MATK: variants seen among roughly 807,000 people sequenced by gnomAD.
MATK encodes megakaryocyte-associated tyrosine-protein kinase.
Under a neutral mutation model 59.8 loss-of-function variants are expected in MATK, and 41 were observed. That is an observed-to-expected ratio of 0.69 (90% CI 0.53 to 0.89). The LOEUF is 0.89. Among genes scored for constraint, MATK ranks in the 40% least tolerant of loss-of-function variants. The pLI, the probability that MATK is intolerant of heterozygous loss-of-function variation, is 0.00. For synonymous variants in MATK, 308 were observed against 306.1 expected (o/e 1.01, Z -0.06); for missense variants, 593 against 719.6 (o/e 0.82, Z 2.01).
chr19:3,795,051 C>CT (rs1183116639), intron 1 of MATK, among the ~76,000 whole-genome samples: 1 of 138,070 alleles, frequency 7.2e-6, no homozygotes, highest in Non-Finnish European at 1.5e-5. Context: ...GATCTTGGCT[C>CT]ACTGCACGCT....
chr19:3,786,628 C>G (rs1380025021), upstream of MATK, among the ~76,000 whole-genome samples: 1 of 151,360 alleles, frequency 6.6e-6, no homozygotes, highest in African/African-American at 2.4e-5. The surrounding 1 kb of genome is among the most constrained non-coding windows in gnomAD (Gnocchi z 4.1). Context: ...GCTGCCCGTC[C>G]GGGGAGATAA....
rs922895740 is a variant in MATK at position 3,784,722 on chromosome 19, G to T, written c.132+103C>A. 13 of 807,314 alleles carry T rather than the reference G, an allele frequency of 1.6e-5. No homozygotes were observed. The East Asian group carries it at 3.5e-4, about 21-fold the overall frequency. 50.0% of individuals were successfully genotyped at this position (807,314 alleles called of 1,614,324 possible). A position where few individuals can be genotyped will look rare whatever the true frequency, so the allele number is the denominator to read the frequency against. The stretch of plus-strand genomic sequence containing the variant: ...AGGCCAGGCCGAGGCCAGCAGAAGG[G>T]GGTAGGGGGCAGAGAGTACAGCCCT... On this transcript the variant is annotated intron_variant, in intron 3 of 13. Coordinates refer to ENST00000310132, the MANE Select transcript of MATK (RefSeq NM_139355.3).
At chr19:3,792,510 CTT>C (rs140778999) in intron 1 of MATK, among the ~76,000 whole-genome samples, 8 of 99,740 alleles carry the variant, frequency 8.0e-5, no homozygotes, top group Non-Finnish European at 1.3e-4. Flanking sequence ...ATTTCCAACT[CTT>C]TTTTTTTTTT....
upstream of MATK, among the ~76,000 whole-genome samples, chr19:3,791,346 C>CCG (rs2037539470): frequency 5.9e-5 from 9 of 151,382 alleles, no homozygotes; most frequent in African/African-American, 2.2e-4. Context: ...CTCCACCTCC[C>CCG]CCCACTTTTT....
chr19:3,798,474 A>G (rs1214725415), intron 1 of MATK, among the ~76,000 whole-genome samples: 1 of 152,132 alleles, frequency 6.6e-6, no homozygotes, highest in African/African-American at 2.4e-5. Context: ...ACAAGAGGTT[A>G]GACATCTGGG....
intron 1 of MATK, among the ~76,000 whole-genome samples, chr19:3,800,944 T>C (rs1279455290): frequency 1.3e-5 from 2 of 152,110 alleles, no homozygotes; most frequent in Non-Finnish European, 1.5e-5. Context: ...CACTACAACC[T>C]TGGTCTCCAG....
chr19:3,792,392 C>T (rs1037568172), intron 1 of MATK, among the ~76,000 whole-genome samples: 5 of 152,068 alleles, frequency 3.3e-5, no homozygotes, highest in East Asian at 1.9e-4. Context: ...GAACTTCAAA[C>T]GCTAGAGGCT....
intron 1 of MATK, among the ~76,000 whole-genome samples, chr19:3,799,177 G>A (rs377672583): frequency 6.6e-6 from 1 of 152,176 alleles, no homozygotes; most frequent in Middle Eastern, 3.4e-3. Context: ...GAACCTTTCT[G>A]TGCAGCAAGC....
At chr19:3,782,737 G>T (rs1185605491) in intron 7 of MATK, 2 of 249,034 alleles carry the variant, frequency 8.0e-6, no homozygotes, top group Non-Finnish European at 1.6e-5. Context: ...GGCTGGAAGG[G>T]GGACTCGCCC....
chr19:3,785,194 G>C lies in MATK; in HGVS notation c.-59C>G. 1 of 1,610,850 alleles carries C rather than the reference G, an allele frequency of 6.2e-7. No individual in the cohort carries two copies. Among genetic ancestry groups the C allele is most frequent in the Non-Finnish European group, 8.5e-7 (1 of 1,179,072 alleles). ...CACACTGAGCAAGTGGTCACAGTCG[G>C]GGACGCTGGGAATGGCCTGCCACAG... On this transcript the variant is annotated 5_prime_UTR_variant, in exon 2 of 14. Coordinates refer to ENST00000310132, the MANE Select transcript of MATK (RefSeq NM_139355.3).
At chr19:3,789,139 A>T (rs893423653), upstream of MATK, 2 of 573,740 alleles carry the variant, frequency 3.5e-6, no homozygotes, top group Non-Finnish European at 6.4e-6. Flanking sequence ...AGGGCTGGGG[A>T]CGCTGCAGCT....
chr19:3,780,354 G>A (rs770003522), intron 8 of MATK, among the ~76,000 whole-genome samples: 2 of 152,126 alleles, frequency 1.3e-5, no homozygotes, highest in Non-Finnish European at 2.9e-5. Flanking sequence ...CCACCCCCTC[G>A]GGGCCAAATC....
chr19:3,779,474 G>A lies in MATK; in HGVS notation c.928-23C>T, dbSNP rs138162869. The A allele has an allele frequency of 2.6e-4, 422 of 1,612,574 alleles. 2 individuals are homozygous for A. The African/African-American group carries it at 4.8e-3, about 18-fold the overall frequency. On this transcript the variant is annotated intron_variant, in intron 10 of 13. Coordinates refer to ENST00000310132, the MANE Select transcript of MATK (RefSeq NM_139355.3). ...GCCCTGTTGGGGGTGGGAGATGGCCGCGGGATGTTGGGGCTGCTCCGCTGC... is the reference window on the plus strand; with the variant it reads ...GCCCTGTTGGGGGTGGGAGATGGCCACGGGATGTTGGGGCTGCTCCGCTGC...
At chr19:3,780,561 G>T (rs1382637861) in intron 8 of MATK, among the ~76,000 whole-genome samples, 1 of 150,874 alleles carries the variant, frequency 6.6e-6, no homozygotes, top group Non-Finnish European at 1.5e-5. Flanking sequence ...CAAGTAGCTG[G>T]GACTACAGGC....
At chr19:3,780,730 C>G (rs766185695) in intron 8 of MATK, among the ~76,000 whole-genome samples, 1 of 151,772 alleles carries the variant, frequency 6.6e-6, no homozygotes, top group Non-Finnish European at 1.5e-5. Context: ...CTGTGCCCGG[C>G]CAACATTTTT....
chr19:3,798,866 C>T (rs376022798), intron 1 of MATK, among the ~76,000 whole-genome samples: 8 of 151,644 alleles, frequency 5.3e-5, no homozygotes, highest in African/African-American at 1.7e-4. Flanking sequence ...AGTGCAGTGG[C>T]GTGATCATAG....
chr19:3,783,754 C>G (rs2037434206), intron 6 of MATK, 60 bp downstream of exon 6: 2 of 1,523,604 alleles, frequency 1.3e-6, no homozygotes, highest in Admixed American at 1.7e-5. Flanking sequence ...GTAGGGGAGT[C>G]TCCGGAGTCC....
At chr19:3,780,055 C>T (rs1329814598) in intron 8 of MATK, among the ~76,000 whole-genome samples, 4 of 152,172 alleles carry the variant, frequency 2.6e-5, no homozygotes, top group Admixed American at 6.5e-5. Flanking sequence ...CTGAGGCAGG[C>T]GGATCACCTG....
rs2037479224 is a variant in MATK, at chr19:3,786,073, T to A, written c.-152+96A>T. ...CACTCGCGCACACACCGGCCCTTCC[T>A]GCGCACGTCCCGGGCCCACCCCCGC... is the stretch of plus-strand genomic sequence containing the variant. On this transcript the variant is annotated intron_variant, in intron 1 of 13. Transcript: ENST00000310132. The surrounding 1 kb of genome is among the most constrained non-coding windows in gnomAD (Gnocchi z 4.1). The A allele has an allele frequency of 8.6e-6, 4 of 464,340 alleles. No individual in the cohort carries two copies. The South Asian group carries it at 3.6e-4, about 42-fold the overall frequency. The allele number at this position is 464,340 out of a possible 1,614,324, so 28.8% of individuals were successfully genotyped here. A position where few individuals can be genotyped will look rare whatever the true frequency, so the allele number is the denominator to read the frequency against.
Sources: gnomAD v4.1 joint callset for allele counts (sites outside exome capture counted in the v4.1 genomes callset) on GRCh38, gnomAD v4.1.1 for gene constraint, Gnocchi (gnomAD v3.1) non-coding constraint, MANE v1.5 for transcripts, NCBI Gene and HGNC (gene_info 2026-07-23, HGNC 2026-07-21) for gene names.